Variants in PCDHGA12 observed in about 807,000 individuals in gnomAD.
PCDHGA12 encodes protocadherin gamma subfamily A, 12, also known as protocadherin gamma-A12.
In PCDHGA12, 43 loss-of-function variants were observed where a neutral mutation model predicts 61.1. That is an observed-to-expected ratio of 0.70 (90% CI 0.55 to 0.91). The LOEUF (loss-of-function observed/expected upper bound fraction) is 0.91, where lower values mean the gene tolerates loss of function less well. PCDHGA12 is among the 40% of genes least tolerant of loss of function. The probability of loss-of-function intolerance (pLI) is 0.00; values close to 1 mark genes in which losing one functional copy is unlikely to be tolerated. For missense variants in PCDHGA12, 1,236 were observed against 1,227.7 expected (o/e 1.01, Z -0.10); for synonymous variants, 520 against 542.9 (o/e 0.96, Z 0.59).
At position 141,491,289 on chromosome 5, in the gene PCDHGA12, C is replaced by T. The variant is rs2099710219; in HGVS notation, c.2425-3518C>T. ...CCAAATCCAGTGACTTCCTCATACA[C>T]CCTCCTGAGCGTTCAGACCTTACCC... On this transcript the variant is annotated intron_variant, in intron 1 of 3. Transcript: ENST00000252085. The surrounding 1 kb of genome is among the most constrained non-coding windows in gnomAD (Gnocchi z 6.9). 2 of 1,614,112 alleles carry T rather than the reference C, an allele frequency of 1.2e-6. No homozygotes were observed. The highest frequency in any genetic ancestry group is 1.7e-6 in the Non-Finnish European group (2 of 1,179,942).
chr5:141,501,478 T>A (rs536337246), intron 2 of PCDHGA12, among the ~76,000 whole-genome samples: 5 of 151,890 alleles, frequency 3.3e-5, no homozygotes, highest in Non-Finnish European at 7.4e-5. Flanking sequence ...CCTGGAAGAG[T>A]CCCTCATATC....
rs777168071 is a variant in PCDHGA12 at position 141,477,745 on chromosome 5, C to A, written c.2425-17062C>A. The A allele has an allele frequency of 5.0e-6, 8 of 1,613,682 alleles. No homozygotes were observed. The highest frequency in any genetic ancestry group is 6.8e-6 in the Non-Finnish European group (8 of 1,180,042). On this transcript the variant is annotated intron_variant, in intron 1 of 3. Transcript: ENST00000252085. The surrounding 1 kb of genome is among the most constrained non-coding windows in gnomAD (Gnocchi z 4.9). ...TAACAGCTCATATCAGCGATGGGGG[C>A]ACCCCGGTCCTAGCCACCAACATCA...
chr5:141,475,852 G>A, intron 1 of PCDHGA12: 1 of 467,402 alleles, frequency 2.1e-6, no homozygotes, highest in East Asian at 3.7e-5. Context: ...AGAGCCCGGC[G>A]CTAGCTCATT....
intron 1 of PCDHGA12, among the ~76,000 whole-genome samples, chr5:141,463,534 C>T (rs866525322): frequency 2.6e-4 from 39 of 148,938 alleles, no homozygotes; most frequent in Admixed American, 7.5e-4. Flanking sequence ...CTAGAAACTC[C>T]GGCTCCCGGG....
chr5:141,479,342 G>A (rs926832955), intron 1 of PCDHGA12: 1 of 152,486 alleles, frequency 6.6e-6, no homozygotes, highest in Admixed American at 6.5e-5. Flanking sequence ...TGCACCTGTA[G>A]TTCTTGCTGC....
In PCDHGA12 at chr5:141,432,601, G is replaced by A. The variant is rs1313279772; in HGVS notation, c.1842G>A (p.Pro614=). The A allele has an allele frequency of 5.6e-6, 9 of 1,613,950 alleles. No homozygotes were observed. Among genetic ancestry groups the A allele is most frequent in the Admixed American group, 1.7e-5 (1 of 60,030 alleles). Residue 614 remains proline, a synonymous_variant, in exon 1 of 4, where the codon CCG becomes CCA. Transcript: ENST00000252085. The surrounding 1 kb of genome is among the most constrained non-coding windows in gnomAD (Gnocchi z 6.0). ...ACCGTCTGCTCAAGGCCAGCGAGCC[G>A]GGACTCTTCTCGGTGGGTCTGCACA... The part of the protein sequence containing the change: ...LSYRLLKASE[P]GLFSVGLHTG...
rs980172909 is a variant in PCDHGA12, at chr5:141,485,917, G to A, written c.2425-8890G>A. On this transcript the variant is annotated intron_variant, in intron 1 of 3. Transcript: ENST00000252085. The surrounding 1 kb of genome is among the most constrained non-coding windows in gnomAD (Gnocchi z 5.7). ...CAGCCTTCCAGCAATCCAGCTACAGGATTAGTGTGTTGGAGAGCGCACCAG... is the reference window on the plus strand; with the variant it reads ...CAGCCTTCCAGCAATCCAGCTACAGAATTAGTGTGTTGGAGAGCGCACCAG... The A allele has an allele frequency of 2.6e-5, 42 of 1,614,078 alleles. No homozygotes were observed. Among genetic ancestry groups the A allele is most frequent in the Non-Finnish European group, 3.5e-5 (41 of 1,180,050 alleles).
At chr5:141,483,240 T>C (rs2099578643) in intron 1 of PCDHGA12, among the ~76,000 whole-genome samples, 2 of 151,742 alleles carry the variant, frequency 1.3e-5, no homozygotes, top group Non-Finnish European at 1.5e-5. Flanking sequence ...TGAACTGATA[T>C]GCATATATCA....
chr5:141,499,233 C>A (rs1047984757), intron 2 of PCDHGA12, among the ~76,000 whole-genome samples: 2 of 152,116 alleles, frequency 1.3e-5, no homozygotes, highest in Non-Finnish European at 2.9e-5. Context: ...CAGCTGTCCC[C>A]AGCCTCTGCA....
In PCDHGA12 at chr5:141,432,255, C is replaced by T. The variant is rs1561859576; in HGVS notation, c.1496C>T (p.Ala499Val). The T allele has an allele frequency of 6.2e-7, 1 of 1,614,246 alleles. No individual in the cohort carries two copies. The highest frequency in any genetic ancestry group is 8.5e-7 in the Non-Finnish European group (1 of 1,180,048). The change falls in exon 1 of 4, where the codon GCA (alanine) becomes GTA (valine). Residue 499 changes from alanine (A) to valine (V), a missense_variant. Physicochemically the swap from Ala to Val is moderately conservative, Grantham distance 64 (BLOSUM62 0). Transcript: ENST00000252085. This position sits in a 1 kb window ranked among gnomAD's most constrained non-coding sequence, Gnocchi z 6.0. ...YSLAENTIQGASLSSYVSINS... is the reference protein window; with the variant it reads ...YSLAENTIQGVSLSSYVSINS... The stretch of plus-strand genomic sequence containing the variant: ...CTGGCTGAGAACACCATCCAAGGGG[C>T]AAGCCTATCGTCCTACGTGTCCATC...
Position 141,489,828 on chromosome 5 carries a change from A to G in PCDHGA12, c.2425-4979A>G. The G allele has an allele frequency of 1.9e-6, 3 of 1,614,010 alleles. No homozygotes were observed. The highest frequency in any genetic ancestry group is 1.1e-5 in the South Asian group (1 of 91,080). ...GGAAGCCATTCCCAGAGCTGGTGCTAGAGCAGCAGCTGGATCGTGAAGCCC... is the reference window on the plus strand; with the variant it reads ...GGAAGCCATTCCCAGAGCTGGTGCTGGAGCAGCAGCTGGATCGTGAAGCCC... On this transcript the variant is annotated intron_variant, in intron 1 of 3. Transcript: ENST00000252085. The surrounding 1 kb of genome is among the most constrained non-coding windows in gnomAD (Gnocchi z 4.5).
chr5:141,490,288 G>A lies in PCDHGA12; in HGVS notation c.2425-4519G>A. On this transcript the variant is annotated intron_variant, in intron 1 of 3. Coordinates refer to ENST00000252085, the MANE Select transcript of PCDHGA12 (RefSeq NM_003735.3). The surrounding 1 kb of genome is among the most constrained non-coding windows in gnomAD (Gnocchi z 5.4). ...GGATGTCAATGACAATGCCCCAGAG[G>A]TGCTATTGGCCTCTTTGGCCAACCC... The A allele has an allele frequency of 3.7e-6, 6 of 1,614,198 alleles. No individual in the cohort carries two copies. The highest frequency in any genetic ancestry group is 5.1e-6 in the Non-Finnish European group (6 of 1,180,042).
At chr5:141,462,497 T>C (rs1333421053) in intron 1 of PCDHGA12, among the ~76,000 whole-genome samples, 1 of 152,244 alleles carries the variant, frequency 6.6e-6, no homozygotes, top group Non-Finnish European at 1.5e-5. Flanking sequence ...TATCCTATAA[T>C]TGTCAACTAG....
chr5:141,473,151 T>C (rs2099315238), intron 1 of PCDHGA12, among the ~76,000 whole-genome samples: 1 of 152,242 alleles, frequency 6.6e-6, no homozygotes. Context: ...TTCAGATCAC[T>C]AGGGCTAGGA....
chr5:141,481,288 A>AGTC (rs2099535099), intron 1 of PCDHGA12, among the ~76,000 whole-genome samples: 1 of 152,188 alleles, frequency 6.6e-6, no homozygotes, highest in Admixed American at 6.5e-5. Flanking sequence ...ATGGTATTTC[A>AGTC]GTCATCTAAG....
chr5:141,485,338 T>C lies in PCDHGA12; in HGVS notation c.2425-9469T>C, dbSNP rs1259658641. The stretch of plus-strand genomic sequence containing the variant: ...ATGTCGCTCAAGATTTCCTGCTGGA[T>C]ACGGACAGTCTGTCAGCTCGCAGGC... On this transcript the variant is annotated intron_variant, in intron 1 of 3. Coordinates refer to ENST00000252085, the MANE Select transcript of PCDHGA12 (RefSeq NM_003735.3). The surrounding 1 kb of genome is among the most constrained non-coding windows in gnomAD (Gnocchi z 5.7). 1 of 1,614,140 alleles carries C rather than the reference T, an allele frequency of 6.2e-7. No individual in the cohort carries two copies. Among genetic ancestry groups the C allele is most frequent in the Non-Finnish European group, 8.5e-7 (1 of 1,180,006 alleles).
intron 1 of PCDHGA12, among the ~76,000 whole-genome samples, chr5:141,451,727 C>A (rs2098722766): frequency 6.6e-6 from 1 of 152,014 alleles, no homozygotes; most frequent in Admixed American, 6.6e-5. Flanking sequence ...ACTAAAAATA[C>A]AAAAATTAGC....
chr5:141,502,601 A>G (rs2099815205), intron 2 of PCDHGA12, among the ~76,000 whole-genome samples: 1 of 152,218 alleles, frequency 6.6e-6, no homozygotes, highest in Non-Finnish European at 1.5e-5. Flanking sequence ...ATATTTTAAA[A>G]TATTTGTGAA....
chr5:141,481,733 C>A (rs2099543522), intron 1 of PCDHGA12, among the ~76,000 whole-genome samples: 1 of 152,078 alleles, frequency 6.6e-6, no homozygotes, highest in Admixed American at 6.6e-5. Context: ...GCGGGCGGAT[C>A]ACGAGGTCAG....
Sources: gnomAD v4.1 joint callset for allele counts (sites outside exome capture counted in the v4.1 genomes callset) on GRCh38, gnomAD v4.1.1 for gene constraint, Gnocchi (gnomAD v3.1) non-coding constraint, MANE v1.5 for transcripts, NCBI Gene and HGNC (gene_info 2026-07-23, HGNC 2026-07-21) for gene names.